OPHN1: variants seen among roughly 807,000 people sequenced by gnomAD.
OPHN1 encodes oligophrenin-1.
Under a neutral mutation model 60.7 loss-of-function variants are expected in OPHN1, and 11 were observed. The ratio of observed to expected loss-of-function variants is 0.18; its 90% confidence interval spans 0.11 to 0.30. OPHN1 has a LOEUF of 0.30. Ranked by LOEUF, OPHN1 falls within the 10% of genes least tolerant of loss-of-function variation. OPHN1 has a pLI of 1.00. For missense variants in OPHN1, 449 were observed against 611.0 expected, an observed-to-expected ratio of 0.73 and a Z score of 2.80; for synonymous variants, 226 against 222.6, an observed-to-expected ratio of 1.02 and a Z score of -0.14.
intron 2 of OPHN1, among the ~76,000 whole-genome samples, chrX:68,328,766 A>G (rs2147672496): frequency 8.9e-6 from 1 of 112,247 alleles, no homozygotes; most frequent in South Asian, 3.7e-4. Context: ...AAATACTACA[A>G]AAATAAGCAC....
At chrX:68,136,068 G>A (rs1279241864) in intron 15 of OPHN1, among the ~76,000 whole-genome samples, 1 of 110,840 alleles carries the variant, frequency 9.0e-6, no homozygotes, top group African/African-American at 3.3e-5. Context: ...TCATCCCTAA[G>A]TTACGTGTTG....
At chrX:68,180,952 A>G (rs1461546891) in intron 15 of OPHN1, among the ~76,000 whole-genome samples, 3 of 105,438 alleles carry the variant, frequency 2.8e-5, no homozygotes, top group Non-Finnish European at 5.9e-5. Context: ...AAAACTATTG[A>G]AAAAAATATA....
intron 2 of OPHN1, among the ~76,000 whole-genome samples, chrX:68,335,821 T>C (rs752044327): frequency 9.0e-6 from 1 of 111,190 alleles, no homozygotes; most frequent in Non-Finnish European, 1.9e-5. Flanking sequence ...TCCAATCTAC[T>C]TGGGAGGCTG....
chrX:68,217,870 G>A (rs12690208), intron 6 of OPHN1, among the ~76,000 whole-genome samples: 50,898 of 89,997 alleles, frequency 0.57, 15,094 homozygotes, highest in East Asian at 0.83. Context: ...AAAGCAGAGC[G>A]CCTCTCCTCC....
intron 2 of OPHN1, among the ~76,000 whole-genome samples, chrX:68,313,393 G>C (rs1288947981): frequency 8.9e-6 from 1 of 112,026 alleles, no homozygotes; most frequent in Non-Finnish European, 1.9e-5. Flanking sequence ...AGCACTCTAA[G>C]TGTCCATCAA....
At chrX:68,108,453 A>T (rs192913490) in intron 18 of OPHN1, among the ~76,000 whole-genome samples, 4 of 112,259 alleles carry the variant, frequency 3.6e-5, no homozygotes, top group African/African-American at 1.3e-4. Context: ...AATTCATATT[A>T]ACATTCTTAA....
chrX:68,060,814 G>A (rs1413585622), intron 21 of OPHN1, among the ~76,000 whole-genome samples: 2 of 111,457 alleles, frequency 1.8e-5, no homozygotes, highest in African/African-American at 6.5e-5. Flanking sequence ...GGCTGGCTGA[G>A]GTAACAGTTC....
chrX:68,078,925 G>T (rs2076963828), intron 19 of OPHN1, among the ~76,000 whole-genome samples: 1 of 109,607 alleles, frequency 9.1e-6, no homozygotes, highest in Non-Finnish European at 1.9e-5. Flanking sequence ...GGTGGAGGTT[G>T]CAGTGAGCCC....
chrX:68,223,107 G>A (rs950697484), intron 6 of OPHN1, among the ~76,000 whole-genome samples: 12 of 111,707 alleles, frequency 1.1e-4, no homozygotes, highest in African/African-American at 3.9e-4. Context: ...AATTCATACA[G>A]TCTCTATGGA....
At chrX:68,159,057 C>T (rs903666723) in intron 15 of OPHN1, among the ~76,000 whole-genome samples, 15 of 111,280 alleles carry the variant, frequency 1.3e-4, no homozygotes, top group African/African-American at 4.3e-4. Context: ...GTCCCCACCC[C>T]TACCTCCCAA....
At chrX:68,144,601 A>G (rs1445178139) in intron 15 of OPHN1, among the ~76,000 whole-genome samples, 1 of 112,151 alleles carries the variant, frequency 8.9e-6, no homozygotes, top group Non-Finnish European at 1.9e-5. Flanking sequence ...CTTAGGGAAC[A>G]CAGGGTGAAA....
At chrX:68,425,812 CTTTT>C (rs1188011531) in intron 2 of OPHN1, among the ~76,000 whole-genome samples, 3 of 38,658 alleles carry the variant, frequency 7.8e-5, no homozygotes, top group African/African-American at 3.9e-4. Context: ...GGACTGGATT[CTTTT>C]TTTTTTTTTT....
chrX:68,247,724 G>A lies in OPHN1; in HGVS notation c.385-13136C>T, dbSNP rs766287450. The stretch of plus-strand genomic sequence containing the variant: ...GCTTGAGCCCAGGAGTTTGAGACCA[G>A]CCTGGGTAACATGGCAAAACCCAGT... On this transcript the variant is annotated intron_variant, in intron 5 of 24. Coordinates refer to ENST00000355520, the MANE Select transcript of OPHN1 (RefSeq NM_002547.3). Among the ~76,000 whole-genome samples, 417 of 102,496 alleles carry A rather than the reference G, an allele frequency of 4.1e-3. 4 individuals are homozygous for A. Among genetic ancestry groups the A allele is most frequent in the Non-Finnish European group, 5.3e-3 (269 of 50,887 alleles). 89.0% of individuals were successfully genotyped at this position (102,496 alleles called of 115,157 possible).
intron 19 of OPHN1, among the ~76,000 whole-genome samples, chrX:68,093,389 C>T (rs964211446): frequency 9.0e-6 from 1 of 111,258 alleles, no homozygotes; most frequent in Non-Finnish European, 1.9e-5. Flanking sequence ...AATTAACATC[C>T]CTATAAAGGT....
intron 2 of OPHN1, among the ~76,000 whole-genome samples, chrX:68,431,732 A>G (rs753741465): frequency 9.0e-6 from 1 of 111,086 alleles, no homozygotes; most frequent in South Asian, 3.8e-4. Flanking sequence ...CCAGCCTCGC[A>G]CTACCACTTT....
intron 4 of OPHN1, among the ~76,000 whole-genome samples, chrX:68,280,256 A>C (rs1272788193): frequency 1.8e-5 from 2 of 112,191 alleles, no homozygotes; most frequent in Non-Finnish European, 3.8e-5. Flanking sequence ...ATGCTTACAT[A>C]ATCAGTATTT....
At chrX:68,200,708 A>T (rs1282832303) in intron 11 of OPHN1, among the ~76,000 whole-genome samples, 2 of 111,892 alleles carry the variant, frequency 1.8e-5, no homozygotes, top group African/African-American at 3.2e-5. Flanking sequence ...CAATTTTTTT[A>T]AAAATGCCCT....
chrX:68,154,943 T>A (rs745515543), intron 15 of OPHN1, among the ~76,000 whole-genome samples: 2 of 109,277 alleles, frequency 1.8e-5, no homozygotes, highest in East Asian at 5.8e-4. Flanking sequence ...AGGTGAAGTC[T>A]ATGCTGACCA....
rs147020184 is a variant in OPHN1 at position 68,408,782 on chromosome X, C to T, written c.154+24085G>A. On this transcript the variant is annotated intron_variant, in intron 2 of 24. Coordinates refer to ENST00000355520, the MANE Select transcript of OPHN1 (RefSeq NM_002547.3). ...TTCGAGACCAGCCTGGCCAACAGGG[C>T]GAACCTTGTCTCTACTAAAAATACA... Among the ~76,000 whole-genome samples the T allele has an allele frequency of 3.9e-4, 44 of 112,247 alleles. No individual in the cohort carries two copies. In the East Asian group the frequency reaches 0.011, roughly 29 times the overall value.
Sources: gnomAD v4.1 joint callset for allele counts (sites outside exome capture counted in the v4.1 genomes callset) on GRCh38, gnomAD v4.1.1 for gene constraint, MANE v1.5 for transcripts, NCBI Gene and HGNC (gene_info 2026-07-23, HGNC 2026-07-21) for gene names.